GRID2: variants seen among roughly 807,000 people sequenced by gnomAD.
GRID2 encodes the protein glutamate receptor ionotropic, delta-2.
GRID2 carries 33 observed loss-of-function variants against 114.8 expected under a neutral mutation model. The ratio of observed to expected loss-of-function variants is 0.29; its 90% CI spans 0.22 to 0.38. GRID2 has a LOEUF of 0.38. GRID2 is among the 10% of genes least tolerant of loss of function. The probability of loss-of-function intolerance (pLI) is 1.00; values close to 1 mark genes in which losing one functional copy is unlikely to be tolerated. For missense variants in GRID2, 1,184 were observed against 1,257.7 expected (o/e 0.94, Z 0.89); for synonymous variants, 505 against 449.9 (o/e 1.12, Z -1.55).
intron 2 of GRID2, among the ~76,000 whole-genome samples, chr4:92,839,585 G>A (rs1478580071): frequency 6.6e-6 from 1 of 151,420 alleles, no homozygotes; most frequent in African/African-American, 2.4e-5. Context: ...CAATCCAGTG[G>A]TCATTCAAGA....
At chr4:93,316,876 A>G (rs1397494095) in intron 8 of GRID2, among the ~76,000 whole-genome samples, 3 of 152,126 alleles carry the variant, frequency 2.0e-5, no homozygotes, top group African/African-American at 4.8e-5. Context: ...TTAATGATTT[A>G]AATATGTTCT....
At chr4:93,595,960 G>C (rs906394301) in intron 13 of GRID2, among the ~76,000 whole-genome samples, 1 of 152,242 alleles carries the variant, frequency 6.6e-6, no homozygotes, top group East Asian at 1.9e-4. Flanking sequence ...ACTCCACAAG[G>C]AAAGTATTTT....
Position 93,215,456 on chromosome 4 carries a change from T to C in GRID2, c.790-1282T>C, listed in dbSNP as rs183857850. 2.0e-5 allele frequency among the ~76,000 whole-genome samples: 3 copies of C among 152,136 alleles called. No homozygotes were observed. The East Asian group carries it at 5.8e-4, about 29-fold the overall frequency. On this transcript the variant is annotated intron_variant, in intron 5 of 15. Coordinates refer to ENST00000282020, the MANE Select transcript of GRID2 (RefSeq NM_001510.4). ...GTTTAATCCTACTTTGTGAGTAGAT[T>C]ACATAGAATTTAAAAGTGACCTGCT...
chr4:93,351,141 A>G (rs992843862), intron 8 of GRID2, among the ~76,000 whole-genome samples: 5 of 152,090 alleles, frequency 3.3e-5, no homozygotes, highest in Admixed American at 3.3e-4. Flanking sequence ...TTACAATTAA[A>G]GGTGAGATTT....
At chr4:93,522,963 A>T (rs1730481915) in intron 13 of GRID2, among the ~76,000 whole-genome samples, 1 of 152,170 alleles carries the variant, frequency 6.6e-6, no homozygotes, top group African/African-American at 2.4e-5. Flanking sequence ...AGAGAGTGAC[A>T]GAAAGCCAAG....
intron 14 of GRID2, among the ~76,000 whole-genome samples, chr4:93,732,315 T>G (rs1269431196): frequency 6.6e-6 from 1 of 152,178 alleles, no homozygotes; most frequent in Non-Finnish European, 1.5e-5. Flanking sequence ...AAGAGACACA[T>G]GAAGCTCAGT....
At chr4:92,541,709 A>C (rs1168251807) in intron 1 of GRID2, among the ~76,000 whole-genome samples, 1 of 152,154 alleles carries the variant, frequency 6.6e-6, no homozygotes, top group Admixed American at 6.6e-5. Flanking sequence ...AGAGAAATTA[A>C]CACATTGATT....
intron 14 of GRID2, among the ~76,000 whole-genome samples, chr4:93,632,847 G>A (rs1206923207): frequency 6.6e-6 from 1 of 152,146 alleles, no homozygotes; most frequent in African/African-American, 2.4e-5. Context: ...TCCTACCCAT[G>A]AGCATGGAAT....
intron 2 of GRID2, among the ~76,000 whole-genome samples, chr4:92,712,533 A>C (rs920434196): frequency 2.6e-5 from 4 of 152,130 alleles, no homozygotes; most frequent in African/African-American, 9.7e-5. Flanking sequence ...CCAGTAGATC[A>C]GCATTCCCCT....
chr4:93,809,480 T>C (rs936212979), exon 2 of GRID2: 9 of 152,196 alleles, frequency 5.9e-5, no homozygotes, highest in African/African-American at 2.2e-4. Context: ...ATAAAGTTTC[T>C]ATAAAAGTTC....
intron 2 of GRID2, among the ~76,000 whole-genome samples, chr4:93,081,564 C>T (rs1215493262): frequency 6.6e-6 from 1 of 152,066 alleles, no homozygotes; most frequent in East Asian, 1.9e-4. Context: ...CTCCAAACAT[C>T]TTTGGTAGTG....
intron 3 of GRID2, among the ~76,000 whole-genome samples, chr4:93,090,711 C>G (rs1730710744): frequency 6.6e-6 from 1 of 152,044 alleles, no homozygotes; most frequent in South Asian, 2.1e-4. Flanking sequence ...TATGGCTACC[C>G]TAATGTTCAA....
intron 14 of GRID2, among the ~76,000 whole-genome samples, chr4:93,688,773 G>A (rs768583290): frequency 2.0e-5 from 3 of 152,022 alleles, no homozygotes; most frequent in Non-Finnish European, 4.4e-5. Flanking sequence ...ACATTATACT[G>A]TCCATTTACA....
chr4:92,599,351 T>A (rs1200255521), intron 2 of GRID2, among the ~76,000 whole-genome samples: 1 of 151,926 alleles, frequency 6.6e-6, no homozygotes, highest in Non-Finnish European at 1.5e-5. Flanking sequence ...TGTAGGAGAG[T>A]GATATATATG....
At chr4:92,943,757 G>C (rs754760381) in intron 2 of GRID2, among the ~76,000 whole-genome samples, 6 of 152,086 alleles carry the variant, frequency 3.9e-5, no homozygotes, top group African/African-American at 7.2e-5. Flanking sequence ...ATGGGGTTTT[G>C]GTGTGGATGT....
intron 14 of GRID2, among the ~76,000 whole-genome samples, chr4:93,697,439 G>A (rs1402240516): frequency 1.3e-5 from 2 of 152,030 alleles, no homozygotes; most frequent in Non-Finnish European, 2.9e-5. Flanking sequence ...CATAGCAGAT[G>A]ACGGTCACTT....
intron 1 of GRID2, among the ~76,000 whole-genome samples, chr4:92,506,539 GT>G (rs1723980835): frequency 6.6e-6 from 1 of 151,940 alleles, no homozygotes. Context: ...GGAAAAGTTT[GT>G]CATGACTATG....
At chr4:93,460,000 C>A (rs1162151756) in intron 11 of GRID2, among the ~76,000 whole-genome samples, 1 of 152,080 alleles carries the variant, frequency 6.6e-6, no homozygotes, top group Non-Finnish European at 1.5e-5. Context: ...GAAAGATTAG[C>A]CTAGATTGTC....
intron 14 of GRID2, among the ~76,000 whole-genome samples, chr4:93,688,770 A>G (rs1283285279): frequency 6.6e-6 from 1 of 152,092 alleles, no homozygotes; most frequent in Non-Finnish European, 1.5e-5. Flanking sequence ...ATAACATTAT[A>G]CTGTCCATTT....
Sources: allele counts gnomAD v4.1 joint callset (sites outside exome capture counted in the v4.1 genomes callset), GRCh38; gene constraint gnomAD v4.1.1; transcripts MANE v1.5; gene names NCBI Gene and HGNC (gene_info 2026-07-23, HGNC 2026-07-21).